R3HDM2: variants seen among roughly 807,000 people sequenced by gnomAD.
The protein encoded by R3HDM2 is R3H domain-containing protein 2.
A neutral mutation model predicts 124.5 loss-of-function variants in R3HDM2; 38 were observed. The observed-to-expected ratio is 0.31, with a 90% confidence interval of 0.24 to 0.40. R3HDM2 has a LOEUF of 0.40. Among genes scored for constraint, R3HDM2 ranks in the 10% least tolerant of loss-of-function variants. The pLI is 1.00. For missense variants in R3HDM2, 869 were observed against 1,236.9 expected (o/e 0.70, Z 4.46); for synonymous variants, 391 against 448.0 (o/e 0.87, Z 1.61).
intron 2 of R3HDM2, among the ~76,000 whole-genome samples, chr12:57,379,440 C>T (rs1566413698): frequency 6.6e-6 from 1 of 151,872 alleles, no homozygotes; most frequent in South Asian, 2.1e-4. Flanking sequence ...ATAAGCCTGG[C>T]GTGGTGACGC....
chr12:57,256,366 T>C (rs1025213501), intron 22 of R3HDM2, 48 bp downstream of exon 22: 14 of 1,426,692 alleles, frequency 9.8e-6, no homozygotes, highest in Non-Finnish European at 1.1e-5. Flanking sequence ...GGCACCCAAA[T>C]AAGAAGAGGG....
chr12:57,397,643 C>T (rs2067680152), intron 1 of R3HDM2, among the ~76,000 whole-genome samples: 2 of 152,130 alleles, frequency 1.3e-5, no homozygotes, highest in Admixed American at 1.3e-4. Flanking sequence ...TCCTAAAACA[C>T]TCCTCCTGTG....
At chr12:57,362,550 G>A (rs936977919) in intron 2 of R3HDM2, among the ~76,000 whole-genome samples, 1 of 152,118 alleles carries the variant, frequency 6.6e-6, no homozygotes, top group South Asian at 2.1e-4. Context: ...AAGTTTCTCT[G>A]GAGTCAAAAG....
chr12:57,327,823 G>A lies in R3HDM2; in HGVS notation c.-35-17360C>T, dbSNP rs780017432. On this transcript the variant is annotated intron_variant, in intron 2 of 23. Coordinates refer to ENST00000402412, the MANE Select transcript of R3HDM2 (RefSeq NM_001394031.1). ...TCAATGGATGAGGGTTGTTTCTTAC[G>A]GATGAGCAAAAAAGTAGGTTCTTGA... Among the ~76,000 whole-genome samples, 7 of 152,210 alleles carry A rather than the reference G, an allele frequency of 4.6e-5. No individual in the cohort carries two copies. The East Asian group carries it at 1.2e-3, about 25-fold the overall frequency.
chr12:57,259,156 T>C (rs2039995841), intron 19 of R3HDM2, 97 bp from the exon 20 acceptor site: 2 of 1,305,962 alleles, frequency 1.5e-6, no homozygotes, highest in South Asian at 1.3e-5. Context: ...AATCCACCCA[T>C]TGCCTCAGGG....
chr12:57,381,455 G>C (rs1032155545), intron 2 of R3HDM2, among the ~76,000 whole-genome samples: 2 of 147,488 alleles, frequency 1.4e-5, no homozygotes, highest in Non-Finnish European at 3.0e-5. Flanking sequence ...TGAGGCAGGA[G>C]AATCTCTTGA....
At chr12:57,263,868 C>CA (rs1185226164) in intron 19 of R3HDM2, among the ~76,000 whole-genome samples, 1 of 152,070 alleles carries the variant, frequency 6.6e-6, no homozygotes, top group Non-Finnish European at 1.5e-5. Flanking sequence ...TAGTGACGTA[C>CA]AAAAAATCTT....
chr12:57,320,048 C>T (rs1385090507), intron 2 of R3HDM2, among the ~76,000 whole-genome samples: 1 of 151,860 alleles, frequency 6.6e-6, no homozygotes, highest in African/African-American at 2.4e-5. Flanking sequence ...TCACTGAGGT[C>T]AGGAGTTTGA....
chr12:57,399,860 C>A (rs1482483483), intron 1 of R3HDM2, among the ~76,000 whole-genome samples: 1 of 152,150 alleles, frequency 6.6e-6, no homozygotes, highest in Admixed American at 6.6e-5. Flanking sequence ...ATGACAGCTA[C>A]CTTAATGGGA....
chr12:57,326,545 T>C (rs1390271340), intron 2 of R3HDM2, among the ~76,000 whole-genome samples: 1 of 152,160 alleles, frequency 6.6e-6, no homozygotes, highest in African/African-American at 2.4e-5. Context: ...GGTTCATGAG[T>C]TTAAGGAAAG....
In R3HDM2 at chr12:57,352,253, A is replaced by C. The variant is rs533335534; in HGVS notation, c.-35-41790T>G. ...CAAGACTCCATCTCAAAAAAAAAAA[A>C]AAAAAAAAACAAATCTAGGGAAAAG... On this transcript the variant is annotated intron_variant, in intron 2 of 23. Transcript: ENST00000402412. Among the ~76,000 whole-genome samples, 13 of 151,790 alleles carry C rather than the reference A, an allele frequency of 8.6e-5. No homozygotes were observed. The East Asian group carries it at 2.1e-3, about 25-fold the overall frequency.
chr12:57,430,504 C>CCCA, intron 1 of R3HDM2: 1 of 982,754 alleles, frequency 1.0e-6, no homozygotes, highest in Non-Finnish European at 1.2e-6. Context: ...CGCACCGCCG[C>CCCA]CCTCCGCCCC....
intron 2 of R3HDM2, among the ~76,000 whole-genome samples, chr12:57,374,912 C>T (rs1303524829): frequency 2.0e-5 from 3 of 150,818 alleles, no homozygotes; most frequent in Non-Finnish European, 3.0e-5. Context: ...AGGAGAATGG[C>T]GTGAACCCGG....
At chr12:57,364,162 TTTTC>T (rs1316273141) in intron 2 of R3HDM2, among the ~76,000 whole-genome samples, 2 of 149,632 alleles carry the variant, frequency 1.3e-5, no homozygotes, top group African/African-American at 4.9e-5. Context: ...TTTTTTTTTT[TTTTC>T]AGATGGAGTA....
At chr12:57,340,385 A>G (rs1004794635) in intron 2 of R3HDM2, among the ~76,000 whole-genome samples, 1 of 152,198 alleles carries the variant, frequency 6.6e-6, no homozygotes, top group African/African-American at 2.4e-5. Context: ...ATCAAGATGC[A>G]AGGATGTGGT....
chr12:57,414,634 G>A (rs1458782337), intron 1 of R3HDM2, among the ~76,000 whole-genome samples: 8 of 151,638 alleles, frequency 5.3e-5, no homozygotes, highest in African/African-American at 1.7e-4. Flanking sequence ...TCAGGAGTTC[G>A]AGACCAGCCT....
chr12:57,281,287 C>CAA (rs71084737), intron 13 of R3HDM2, among the ~76,000 whole-genome samples: 8,348 of 81,712 alleles, frequency 0.1, 558 homozygotes, highest in Middle Eastern at 0.28. Context: ...GACTCGGTCT[C>CAA]AAAAAAAAAA....
At chr12:57,375,459 G>A (rs769895044) in intron 2 of R3HDM2, among the ~76,000 whole-genome samples, 3 of 152,132 alleles carry the variant, frequency 2.0e-5, no homozygotes, top group Middle Eastern at 3.4e-3. Flanking sequence ...CCTATTTTTA[G>A]AGGAAAAAAA....
At chr12:57,292,308 A>C (rs543163170) in intron 11 of R3HDM2, among the ~76,000 whole-genome samples, 1 of 152,298 alleles carries the variant, frequency 6.6e-6, no homozygotes, top group South Asian at 2.1e-4. Context: ...GTCTAGGCAA[A>C]TTTACCAAAT....
Sources: allele counts gnomAD v4.1 joint callset (sites outside exome capture counted in the v4.1 genomes callset), GRCh38; gene constraint gnomAD v4.1.1; transcripts MANE v1.5; gene names NCBI Gene and HGNC (gene_info 2026-07-23, HGNC 2026-07-21).